Variants in POU2AF3 observed in about 807,000 individuals in gnomAD.
The protein encoded by POU2AF3 is POU class 2 homeobox associating factor 3.
At chr11:111,305,129 T>A in the POU2AF3 span, 430 of 418,598 alleles carry the variant, frequency 1.0e-3, 3 homozygotes, top group African/African-American at 8.0e-3. Flanking sequence ...GCATAGTCAC[T>A]CCACATGCAA....
chr11:111,303,181 G>A, the POU2AF3 span, among the ~76,000 whole-genome samples: 2 of 152,140 alleles, frequency 1.3e-5, no homozygotes, highest in Admixed American at 1.3e-4. Context: ...TGTGTATGCC[G>A]GATTGGAACA....
the POU2AF3 span, among the ~76,000 whole-genome samples, chr11:111,307,304 A>G: frequency 1.3e-5 from 2 of 152,336 alleles, no homozygotes; most frequent in Admixed American, 6.5e-5. Context: ...AGAGACTCAC[A>G]GGTTTGTTTT....
At chr11:111,298,859 T>C in the POU2AF3 span, 1 of 888,358 alleles carries the variant, frequency 1.1e-6, no homozygotes, top group Non-Finnish European at 1.4e-6. Flanking sequence ...TCCACTGTTG[T>C]GTCCTGAGAC....
the POU2AF3 span, among the ~76,000 whole-genome samples, chr11:111,303,176 A>G: frequency 6.6e-6 from 1 of 152,248 alleles, no homozygotes; most frequent in Non-Finnish European, 1.5e-5. Context: ...AACTGTGTGT[A>G]TGCCGGATTG....
At chr11:111,308,146 A>G in the POU2AF3 span, 1 of 1,551,410 alleles carries the variant, frequency 6.4e-7, no homozygotes, top group Non-Finnish European at 8.7e-7. Flanking sequence ...AGCTGCCTTC[A>G]TATGCTCCAG....
the POU2AF3 span, among the ~76,000 whole-genome samples, chr11:111,302,505 A>G: frequency 6.6e-6 from 1 of 152,190 alleles, no homozygotes; most frequent in Non-Finnish European, 1.5e-5. Flanking sequence ...CTGGGCCCTT[A>G]CAGATGGGTG....
the POU2AF3 span, among the ~76,000 whole-genome samples, chr11:111,303,891 T>TA: frequency 7.2e-6 from 1 of 138,236 alleles, no homozygotes; most frequent in Admixed American, 7.3e-5. Flanking sequence ...CACCTGAAAT[T>TA]TAAAAAAAAA....
chr11:111,299,789 G>T, the POU2AF3 span: 1 of 1,156,270 alleles, frequency 8.6e-7, no homozygotes, highest in Non-Finnish European at 1.1e-6. Flanking sequence ...GGGCAAGATG[G>T]AGCGCGGAAA....
chr11:111,302,898 C>G, the POU2AF3 span, among the ~76,000 whole-genome samples: 1 of 152,206 alleles, frequency 6.6e-6, no homozygotes, highest in Non-Finnish European at 1.5e-5. Flanking sequence ...ATGATGTTGC[C>G]TGCTTCTTAG....
chr11:111,298,697 G>A, the POU2AF3 span: 1 of 1,143,528 alleles, frequency 8.7e-7, no homozygotes, highest in African/African-American at 1.6e-5. Flanking sequence ...CAAAGTCAAG[G>A]CATGCGAGTA....
At chr11:111,307,794 C>T in the POU2AF3 span, among the ~76,000 whole-genome samples, 2 of 152,146 alleles carry the variant, frequency 1.3e-5, no homozygotes, top group Non-Finnish European at 2.9e-5. Context: ...GGTTTCAGAA[C>T]GAGCACCCTC....
chr11:111,298,869 C>T, the POU2AF3 span: 1 of 910,466 alleles, frequency 1.1e-6, no homozygotes, highest in Non-Finnish European at 1.4e-6. Context: ...TGTCCTGAGA[C>T]ACGCGGTGCG....
At chr11:111,298,839 C>T in the POU2AF3 span, 2 of 1,153,860 alleles carry the variant, frequency 1.7e-6, no homozygotes, top group African/African-American at 1.6e-5. Context: ...CCCGCCCGCC[C>T]TCCCACGTAT....
the POU2AF3 span, chr11:111,306,633 C>T: frequency 6.5e-7 from 1 of 1,544,976 alleles, no homozygotes; most frequent in Non-Finnish European, 8.8e-7. Context: ...GGTAATTTTT[C>T]TCAGTTCTTT....
the POU2AF3 span, chr11:111,299,871 G>A: frequency 9.1e-5 from 51 of 558,288 alleles, no homozygotes; most frequent in Non-Finnish European, 1.3e-4. Flanking sequence ...GGAGTTCCTC[G>A]GGCCTGGCCC....
the POU2AF3 span, among the ~76,000 whole-genome samples, chr11:111,302,686 A>G: frequency 7.9e-5 from 12 of 152,240 alleles, no homozygotes; most frequent in Non-Finnish European, 1.3e-4. Flanking sequence ...TTATAGGAAC[A>G]GGCAGAGTAA....
At chr11:111,299,515 C>G in the POU2AF3 span, 1 of 1,161,966 alleles carries the variant, frequency 8.6e-7, no homozygotes, top group East Asian at 3.9e-5. Context: ...TCCCAGCGAA[C>G]CCCTCTTGAG....
At chr11:111,305,607 A>G in the POU2AF3 span, among the ~76,000 whole-genome samples, 4 of 152,340 alleles carry the variant, frequency 2.6e-5, no homozygotes, top group South Asian at 8.3e-4. Flanking sequence ...CCTCAAGAAG[A>G]ACACAGTGTC....
the POU2AF3 span, chr11:111,298,824 A>AGGGG: frequency 1.0e-5 from 9 of 903,138 alleles, no homozygotes; most frequent in South Asian, 5.8e-5. Flanking sequence ...CGCGTACCCC[A>AGGGG]GGCCCCCGCC....
Sources: allele counts gnomAD v4.1 joint callset (sites outside exome capture counted in the v4.1 genomes callset), GRCh38; gene constraint gnomAD v4.1.1; transcripts MANE v1.5; gene names NCBI Gene and HGNC (gene_info 2026-07-23, HGNC 2026-07-21).